OTUD7B: variants seen among roughly 807,000 people sequenced by gnomAD.
OTUD7B encodes OTU domain-containing protein 7B.
A neutral mutation model predicts 82.2 loss-of-function variants in OTUD7B; 34 were observed. The observed-to-expected ratio is 0.41, with a 90% CI of 0.31 to 0.55. The LOEUF (loss-of-function observed/expected upper bound fraction) is 0.55, where lower values mean the gene tolerates loss of function less well. Among genes scored for constraint, OTUD7B ranks in the 20% least tolerant of loss-of-function variants. The probability of loss-of-function intolerance (pLI) is 0.20; values close to 1 mark genes in which losing one functional copy is unlikely to be tolerated. For missense variants in OTUD7B, 944 were observed against 1,062.1 expected, an observed-to-expected ratio of 0.89 and a Z score of 1.55; for synonymous variants, 398 against 402.7, an observed-to-expected ratio of 0.99 and a Z score of 0.14.
In OTUD7B at chr1:149,944,899, T is replaced by C; in HGVS notation, c.1490A>G (p.Lys497Arg). The change falls in exon 12 of 12, where the codon AAG becomes AGG. Residue 497 changes from lysine to arginine, a missense_variant. Lys to Arg is a conservative substitution (Grantham distance 26). This residue lies in a region of OTUD7B where 530 missense variants were observed against 625.6 expected (regional missense o/e 0.85). Coordinates refer to ENST00000581312, the MANE Select transcript of OTUD7B (RefSeq NM_020205.4). The part of the protein sequence containing the change: ...KSKRDREKDK[K>R]RADSVANKLG... ...TTTGTTAGCCACAGAATCTGCTCTCTTCTTGTCCTTCTCCCGATCTCGCTT... is the reference window on the plus strand; with the variant it reads ...TTTGTTAGCCACAGAATCTGCTCTCCTCTTGTCCTTCTCCCGATCTCGCTT... 6.2e-7 allele frequency: 1 copy of C among 1,614,206 alleles called. No homozygotes were observed. Among genetic ancestry groups the C allele is most frequent in the South Asian group, 1.1e-5 (1 of 91,086 alleles).
the OTUD7B span, among the ~76,000 whole-genome samples, chr1:150,030,947 A>G: frequency 1.3e-5 from 2 of 151,918 alleles, no homozygotes; most frequent in Non-Finnish European, 2.9e-5. Flanking sequence ...CTAATTTTGT[A>G]TTTTTAGTAG....
At chr1:150,001,106 A>G (rs967259184) in intron 1 of OTUD7B, among the ~76,000 whole-genome samples, 8 of 152,220 alleles carry the variant, frequency 5.3e-5, no homozygotes, top group African/African-American at 1.7e-4. Flanking sequence ...GAAGGAGGAA[A>G]GGATGCAGGG....
At chr1:150,010,953 T>C (rs1553787267), upstream of OTUD7B, among the ~76,000 whole-genome samples, 1 of 151,880 alleles carries the variant, frequency 6.6e-6, no homozygotes, top group Non-Finnish European at 1.5e-5. Context: ...TGAACAGGAG[T>C]TGGAGGAGTA....
chr1:149,953,844 CTGAT>C (rs1648458455), intron 7 of OTUD7B, among the ~76,000 whole-genome samples: 1 of 152,266 alleles, frequency 6.6e-6, no homozygotes, highest in African/African-American at 2.4e-5. Flanking sequence ...ATTTGGCTCT[CTGAT>C]TGTCTATTAT....
intron 7 of OTUD7B, among the ~76,000 whole-genome samples, chr1:149,955,204 C>G (rs1648577666): frequency 6.6e-6 from 1 of 152,216 alleles, no homozygotes; most frequent in Admixed American, 6.5e-5. Context: ...CCTCTCCACA[C>G]TGCTTTGAAT....
At chr1:150,018,121 G>A in the OTUD7B span, among the ~76,000 whole-genome samples, 1 of 152,244 alleles carries the variant, frequency 6.6e-6, no homozygotes, top group East Asian at 1.9e-4. Flanking sequence ...CCATTACGTA[G>A]GTAACCTTCC....
intron 7 of OTUD7B, among the ~76,000 whole-genome samples, chr1:149,958,471 C>T (rs1393397236): frequency 6.6e-6 from 1 of 151,212 alleles, no homozygotes; most frequent in African/African-American, 2.4e-5. Flanking sequence ...GGGATTACAG[C>T]CGCCTAGCAC....
intron 3 of OTUD7B, among the ~76,000 whole-genome samples, chr1:149,970,239 T>G (rs1463600240): frequency 6.6e-6 from 1 of 151,978 alleles, no homozygotes; most frequent in Non-Finnish European, 1.5e-5. Flanking sequence ...GTTTCAAGAT[T>G]TAATTATTGT....
At chr1:149,954,117 C>A (rs1648477702) in intron 7 of OTUD7B, among the ~76,000 whole-genome samples, 1 of 152,184 alleles carries the variant, frequency 6.6e-6, no homozygotes, top group African/African-American at 2.4e-5. Flanking sequence ...GCATCCCTGT[C>A]TTGCACCAGT....
chr1:150,062,959 C>A, the OTUD7B span, among the ~76,000 whole-genome samples: 519 of 151,688 alleles, frequency 3.4e-3, 3 homozygotes, highest in Non-Finnish European at 5.8e-3. Context: ...AGTGATCCAC[C>A]CATCTCCGCC....
chr1:150,016,755 A>G, the OTUD7B span, among the ~76,000 whole-genome samples: 1 of 152,136 alleles, frequency 6.6e-6, no homozygotes, highest in East Asian at 1.9e-4. Context: ...CCCAGCCAGC[A>G]GTTACTAATT....
At chr1:150,056,012 G>A in the OTUD7B span, among the ~76,000 whole-genome samples, 1 of 151,806 alleles carries the variant, frequency 6.6e-6, no homozygotes. Flanking sequence ...TAACAAACCT[G>A]CACATGTACC....
At chr1:150,041,332 G>C in the OTUD7B span, among the ~76,000 whole-genome samples, 1 of 151,784 alleles carries the variant, frequency 6.6e-6, no homozygotes, top group Non-Finnish European at 1.5e-5. Flanking sequence ...TGTTGTTGTT[G>C]TTTTTGTTTG....
chr1:149,996,234 G>A (rs1651913192), intron 1 of OTUD7B, among the ~76,000 whole-genome samples: 2 of 152,208 alleles, frequency 1.3e-5, no homozygotes, highest in South Asian at 4.1e-4. Flanking sequence ...AGGTCACACT[G>A]TCCAGTTTAT....
the OTUD7B span, among the ~76,000 whole-genome samples, chr1:150,040,576 C>T: frequency 6.6e-6 from 1 of 151,946 alleles, no homozygotes; most frequent in Admixed American, 6.6e-5. Context: ...TAAGATTTAC[C>T]TTACAGAAAT....
the OTUD7B span, among the ~76,000 whole-genome samples, chr1:150,025,747 T>C: frequency 6.6e-6 from 1 of 152,172 alleles, no homozygotes; most frequent in Admixed American, 6.5e-5. Context: ...CTCAGACAAA[T>C]ACATTATGTC....
chr1:149,964,054 A>T (rs1415301429), intron 6 of OTUD7B, 168 bp downstream of exon 6: 1 of 686,130 alleles, frequency 1.5e-6, no homozygotes, highest in Non-Finnish European at 2.4e-6. Context: ...ACCACATCAG[A>T]AGGCATTTAC....
the OTUD7B span, among the ~76,000 whole-genome samples, chr1:150,028,915 A>G: frequency 5.3e-5 from 8 of 152,296 alleles, no homozygotes; most frequent in South Asian, 1.4e-3. Flanking sequence ...ACCTAGCATA[A>G]TGTCCTCAAG....
Position 149,945,056 on chromosome 1 carries a change from C to T in OTUD7B, c.1333G>A (p.Ala445Thr). The change falls in exon 12 of 12, where the codon GCC (alanine) becomes ACC (threonine). Residue 445 changes from alanine (A) to threonine (T), a missense_variant. Around this residue, in one of 3 missense-constraint regions of OTUD7B, gnomAD observed 530 missense variants for 625.6 expected, o/e 0.85. Transcript: ENST00000581312. The stretch of plus-strand genomic sequence containing the variant: ...GAGGCGGTGGGGGACTCAGGCTGGG[C>T]CAGAGGAGCCTGGAAGAGACAAGAA... ...PLSSDAQAPL[A>T]QPESPTASAG... 1.2e-6 allele frequency: 2 copies of T among 1,613,204 alleles called. No homozygotes were observed. Among genetic ancestry groups the T allele is most frequent in the Non-Finnish European group, 1.7e-6 (2 of 1,179,732 alleles).
Sources: gnomAD v4.1 joint callset for allele counts (sites outside exome capture counted in the v4.1 genomes callset) on GRCh38, gnomAD v4.1.1 for gene constraint, gnomAD v4.1.1 regional missense constraint, MANE v1.5 for transcripts, NCBI Gene and HGNC (gene_info 2026-07-23, HGNC 2026-07-21) for gene names.